The following SEL1L3 variants were observed in gnomAD, a reference collection of about 807,000 sequenced individuals.
The protein encoded by SEL1L3 is protein sel-1 homolog 3.
SEL1L3 carries 76 observed loss-of-function variants against 142.8 expected under a neutral mutation model. The observed-to-expected ratio is 0.53, with a 90% CI of 0.44 to 0.64. SEL1L3 has a LOEUF of 0.64. SEL1L3 is among the 30% of genes least tolerant of loss of function. The probability of loss-of-function intolerance (pLI) is 0.00; values close to 1 mark genes in which losing one functional copy is unlikely to be tolerated. For missense variants in SEL1L3, 1,262 were observed against 1,381.7 expected, an observed-to-expected ratio of 0.91 and a Z score of 1.37; for synonymous variants, 504 against 519.6, an observed-to-expected ratio of 0.97 and a Z score of 0.41.
At chr4:25,745,216 G>A (rs1045120393), downstream of SEL1L3, among the ~76,000 whole-genome samples, 5 of 152,002 alleles carry the variant, frequency 3.3e-5, no homozygotes, top group African/African-American at 7.3e-5. Context: ...CCAACATGGC[G>A]AAAACCCACC....
At chr4:25,850,204 C>T (rs1234474980) in intron 1 of SEL1L3, among the ~76,000 whole-genome samples, 1 of 152,060 alleles carries the variant, frequency 6.6e-6, no homozygotes, top group Admixed American at 6.6e-5. Flanking sequence ...TTTATTCTAC[C>T]GACAGCAAAG....
At position 25,765,552 on chromosome 4, in the gene SEL1L3, C is replaced by T. The variant is rs1462951586; in HGVS notation, c.2846-117G>A. ...TTCCTATTAGTATCTGAATACAGAA[C>T]ATCTTTATGTTTCCCTGATGTGTCA... On this transcript the variant is annotated intron_variant, in intron 19 of 23. Coordinates refer to ENST00000399878, the MANE Select transcript of SEL1L3 (RefSeq NM_015187.5). 7 of 670,758 alleles carry T rather than the reference C, an allele frequency of 1.0e-5. No homozygotes were observed. The Admixed American group carries it at 1.7e-4, about 17-fold the overall frequency. The allele number at this position is 670,758 out of a possible 1,614,324, so 41.6% of individuals were successfully genotyped here. A position where few individuals can be genotyped will look rare whatever the true frequency, so the allele number is the denominator to read the frequency against.
chr4:25,785,723 A>C (rs6839819), intron 13 of SEL1L3, among the ~76,000 whole-genome samples: 10,720 of 152,140 alleles, frequency 0.07, 428 homozygotes, highest in Middle Eastern at 0.099. Context: ...GTAACTGGAG[A>C]GGGGAGGAGA....
chr4:25,839,285 G>A (rs941692986), intron 2 of SEL1L3, among the ~76,000 whole-genome samples: 1 of 152,204 alleles, frequency 6.6e-6, no homozygotes, highest in African/African-American at 2.4e-5. Flanking sequence ...AGGTTCCTAA[G>A]GAAGTCTGTG....
At chr4:25,717,445 G>T in the SEL1L3 span, among the ~76,000 whole-genome samples, 6,265 of 152,164 alleles carry the variant, frequency 0.041, 406 homozygotes, top group African/African-American at 0.14. Context: ...GCAAGTGGAT[G>T]ACCTGAGGTC....
chr4:25,837,086 T>C (rs1715878269), intron 2 of SEL1L3, among the ~76,000 whole-genome samples: 2 of 152,124 alleles, frequency 1.3e-5, no homozygotes, highest in East Asian at 3.9e-4. Flanking sequence ...CTTTGTTTTT[T>C]CAATTTGAGC....
chr4:25,745,488 G>C (rs945817181), downstream of SEL1L3, among the ~76,000 whole-genome samples: 6 of 152,256 alleles, frequency 3.9e-5, no homozygotes, highest in East Asian at 1.2e-3. Flanking sequence ...TTTGGAGCTG[G>C]GATGCCCTGC....
the SEL1L3 span, among the ~76,000 whole-genome samples, chr4:25,741,293 G>A: frequency 2.6e-5 from 4 of 151,628 alleles, no homozygotes; most frequent in Admixed American, 6.6e-5. Context: ...TAGTAGAGAC[G>A]GAGTTTTACT....
the SEL1L3 span, among the ~76,000 whole-genome samples, chr4:25,734,194 T>G: frequency 6.6e-6 from 1 of 151,990 alleles, no homozygotes; most frequent in Admixed American, 6.5e-5. Context: ...CAGCTAATGT[T>G]TTTTGTTTGT....
intron 12 of SEL1L3, among the ~76,000 whole-genome samples, chr4:25,789,182 C>T (rs192495959): frequency 1.3e-4 from 20 of 152,292 alleles, no homozygotes; most frequent in African/African-American, 4.6e-4. Context: ...TTCTGCTTCT[C>T]CTCTCATCTC....
At position 25,776,376 on chromosome 4, in the gene SEL1L3, G is replaced by T. The variant is rs527713178; in HGVS notation, c.2586-16C>A. The T allele has an allele frequency of 6.3e-7, 1 of 1,580,942 alleles. No homozygotes were observed. The highest frequency in any genetic ancestry group is 1.3e-5 in the African/African-American group (1 of 74,096). ...TTTTGCCCATCTGAAAAAAAAAAGG[G>T]AAGAGAAAATACGCAAACCATGGCA... On this transcript the variant is annotated splice_polypyrimidine_tract_variant and intron_variant, in intron 16 of 23. Coordinates refer to ENST00000399878, the MANE Select transcript of SEL1L3 (RefSeq NM_015187.5).
intron 11 of SEL1L3, among the ~76,000 whole-genome samples, chr4:25,798,130 A>C (rs13136293): frequency 0.56 from 85,048 of 151,940 alleles, 24,876 homozygotes; most frequent in South Asian, 0.75. Context: ...CAGATCGAAG[A>C]ACGTCTCATA....
chr4:25,862,289 G>C (rs1020652481), intron 1 of SEL1L3: 4 of 156,604 alleles, frequency 2.6e-5, no homozygotes, highest in African/African-American at 9.9e-5. Context: ...AGATTGAGAG[G>C]GAAGCCCAGG....
chr4:25,801,945 A>G (rs972358182), intron 11 of SEL1L3, among the ~76,000 whole-genome samples: 1 of 152,150 alleles, frequency 6.6e-6, no homozygotes, highest in Non-Finnish European at 1.5e-5. Flanking sequence ...AGACCTCACC[A>G]TCTCATAGGG....
downstream of SEL1L3, among the ~76,000 whole-genome samples, chr4:25,745,585 C>T (rs1420846266): frequency 6.6e-6 from 1 of 152,142 alleles, no homozygotes; most frequent in Non-Finnish European, 1.5e-5. Context: ...GATTTTGCTC[C>T]CAAGGAGGTG....
chr4:25,781,860 A>C (rs796070612), intron 15 of SEL1L3, among the ~76,000 whole-genome samples: 2 of 152,242 alleles, frequency 1.3e-5, no homozygotes, highest in South Asian at 4.1e-4. Context: ...GTTTCACACC[A>C]GGCAATCCTA....
chr4:25,816,857 T>C (rs1265129620), intron 9 of SEL1L3, among the ~76,000 whole-genome samples: 1 of 152,050 alleles, frequency 6.6e-6, no homozygotes, highest in Non-Finnish European at 1.5e-5. Flanking sequence ...CACCTCCAAC[T>C]CTCTTATCTG....
chr4:25,790,571 A>G lies in SEL1L3; in HGVS notation c.1960T>C (p.Tyr654His), dbSNP rs776776959. The G allele has an allele frequency of 4.4e-6, 7 of 1,592,656 alleles. No homozygotes were observed. In the East Asian group the frequency reaches 1.4e-4, roughly 31 times the overall value. Residue 654 changes from tyrosine to histidine, a missense_variant, in exon 12 of 24, where the codon TAT becomes CAT. Tyr to His is a moderately conservative substitution (Grantham distance 83, BLOSUM62 2). Around this residue, in one of 3 missense-constraint regions of SEL1L3, gnomAD observed 435 missense variants for 559.2 expected, o/e 0.78. Transcript: ENST00000399878. ...DQHTLQGDQAYVETIRLKDDE... is the reference protein window; with the variant it reads ...DQHTLQGDQAHVETIRLKDDE... Reference sequence around the variant, plus strand: ...TCTTTTAGTCTAATTGTTTCAACATATGCCTGAGAAGGAAGGAGGGAAAGA... The same window carrying G: ...TCTTTTAGTCTAATTGTTTCAACATGTGCCTGAGAAGGAAGGAGGGAAAGA...
chr4:25,785,223 G>A (rs778591958), intron 13 of SEL1L3, among the ~76,000 whole-genome samples: 17 of 152,148 alleles, frequency 1.1e-4, no homozygotes, highest in Non-Finnish European at 2.2e-4. Flanking sequence ...TAAACGCTTA[G>A]CTCTATAGTA....
Sources: gnomAD v4.1 joint callset for allele counts (sites outside exome capture counted in the v4.1 genomes callset) on GRCh38, gnomAD v4.1.1 for gene constraint, gnomAD v4.1.1 regional missense constraint, MANE v1.5 for transcripts, NCBI Gene and HGNC (gene_info 2026-07-23, HGNC 2026-07-21) for gene names.